Variants in STS observed in about 807,000 individuals in gnomAD.
STS encodes steryl-sulfatase.
A neutral mutation model predicts 26.8 loss-of-function variants in STS; 7 were observed. The observed-to-expected ratio is 0.26, with a 90% CI of 0.15 to 0.49. The LOEUF (loss-of-function observed/expected upper bound fraction) is 0.49, where lower values mean the gene tolerates loss of function less well. Among genes scored for constraint, STS ranks in the 20% least tolerant of loss-of-function variants. STS has a pLI of 0.98. For synonymous variants in STS, 199 were observed against 189.4 expected, an observed-to-expected ratio of 1.05 and a Z score of -0.42; for missense variants, 434 against 465.6, an observed-to-expected ratio of 0.93 and a Z score of 0.63.
chrX:7,238,787 G>A (rs1014977785), intron 2 of STS, among the ~76,000 whole-genome samples: 2 of 110,814 alleles, frequency 1.8e-5, no homozygotes, highest in African/African-American at 6.6e-5. Context: ...AGCTGTGATC[G>A]TACCACTGTG....
rs1398250618 is a variant in STS, at chrX:7,305,031, C to T, written c.944-15C>T. ...AATATGCATTATTTTTAAATGGAGT[C>T]TTTTTCCCCTCCAGGGCAGATCTTG... On this transcript the variant is annotated splice_polypyrimidine_tract_variant and intron_variant, in intron 7 of 10. Coordinates refer to ENST00000674429, the MANE Select transcript of STS (RefSeq NM_001320752.2). 8.3e-7 allele frequency: 1 copy of T among 1,208,665 alleles called. No individual in the cohort carries two copies. Among genetic ancestry groups the T allele is most frequent in the African/African-American group, 1.7e-5 (1 of 57,172 alleles).
intron 1 of STS, among the ~76,000 whole-genome samples, chrX:7,148,757 C>G (rs868657567): frequency 8.9e-6 from 1 of 112,454 alleles, no homozygotes; most frequent in Non-Finnish European, 1.9e-5. Context: ...ACCTCCGTGC[C>G]TGCATCTCTG....
chrX:7,173,404 C>A (rs766620228), intron 1 of STS, among the ~76,000 whole-genome samples: 3 of 111,610 alleles, frequency 2.7e-5, no homozygotes, highest in Admixed American at 9.5e-5. Flanking sequence ...TGAACATACA[C>A]GTGCATGTAT....
chrX:7,253,468 A>T, intron 3 of STS, 132 bp downstream of exon 3: 1 of 882,917 alleles, frequency 1.1e-6, no homozygotes, highest in Non-Finnish European at 1.6e-6. Context: ...GCCTGGCTTC[A>T]TGTAGATACA....
intron 7 of STS, among the ~76,000 whole-genome samples, chrX:7,276,662 A>G (rs1424268765): frequency 9.0e-6 from 1 of 111,713 alleles, no homozygotes; most frequent in Non-Finnish European, 1.9e-5. Context: ...TAGCAGTTAA[A>G]TGTGTGATGG....
intron 7 of STS, among the ~76,000 whole-genome samples, chrX:7,288,639 CGTGTGTGTGTGTGTGTGT>C (rs58375124): frequency 6.7e-5 from 6 of 89,558 alleles, no homozygotes; most frequent in South Asian, 6.1e-4. Flanking sequence ...AAATTCTGTA[CGTGTGTGTGTGTGTGTGT>C]GTGTGTGTGT....
intron 2 of STS, among the ~76,000 whole-genome samples, chrX:7,215,695 G>T (rs1482577682): frequency 1.8e-5 from 2 of 111,434 alleles, no homozygotes; most frequent in African/African-American, 6.5e-5. Context: ...AGGGAAAGGA[G>T]AACAAGGTTG....
chrX:7,303,518 G>C (rs1053391582), intron 7 of STS, among the ~76,000 whole-genome samples: 1 of 110,903 alleles, frequency 9.0e-6, no homozygotes, highest in Non-Finnish European at 1.9e-5. Flanking sequence ...AGGAGGGAGC[G>C]CCCAGGATTT....
At position 7,219,347 on chromosome X, in the gene STS, G is replaced by T; in HGVS notation, c.-5+28339G>T. 7.6e-6 allele frequency: 7 copies of T among 916,560 alleles called. No homozygotes were observed. In the South Asian group the frequency reaches 2.3e-4, roughly 31 times the overall value. 75.5% of individuals were successfully genotyped at this position (916,560 alleles called of 1,213,427 possible). On this transcript the variant is annotated intron_variant, in intron 2 of 10. Coordinates refer to ENST00000674429, the MANE Select transcript of STS (RefSeq NM_001320752.2). Reference sequence around the variant, plus strand: ...CTTTGACACAAATCATACCGAAGGGGAGAAGTTGCCCCTTCTGAAGAATCC... The same window carrying T: ...CTTTGACACAAATCATACCGAAGGGTAGAAGTTGCCCCTTCTGAAGAATCC...
chrX:7,339,121 G>A (rs960629453), intron 10 of STS, among the ~76,000 whole-genome samples: 2 of 111,719 alleles, frequency 1.8e-5, no homozygotes, highest in East Asian at 2.8e-4. Context: ...CCTAATAAAA[G>A]AGAAGAAATT....
At chrX:7,165,281 A>G (rs1364870202) in intron 1 of STS, among the ~76,000 whole-genome samples, 1 of 109,284 alleles carries the variant, frequency 9.2e-6, no homozygotes, top group African/African-American at 3.3e-5. Context: ...AAATGACTCC[A>G]GACATTGTCC....
intron 10 of STS, among the ~76,000 whole-genome samples, chrX:7,336,249 C>A (rs1201502987): frequency 1.0e-5 from 1 of 98,588 alleles, no homozygotes; most frequent in Non-Finnish European, 2.1e-5. Flanking sequence ...GCCCCCCCCA[C>A]CCGCCCCAAA....
At chrX:7,241,373 G>C (rs1479108913) in intron 2 of STS, among the ~76,000 whole-genome samples, 1 of 111,579 alleles carries the variant, frequency 9.0e-6, no homozygotes, top group Non-Finnish European at 1.9e-5. Flanking sequence ...CTCATATAGA[G>C]CCTGAATTTT....
rs780855494 is a variant in STS at position 7,296,994 on chromosome X, G to A, written c.944-8052G>A. Among the ~76,000 whole-genome samples the A allele has an allele frequency of 9.7e-4, 109 of 112,153 alleles. 1 individual carries two copies. Among genetic ancestry groups the A allele is most frequent in the Non-Finnish European group, 1.9e-3 (99 of 53,194 alleles). ...AAGACAGGGTTATCTGTAGAATGGC[G>A]ACATTGCACTCTTACAGTTTTCCAT... On this transcript the variant is annotated intron_variant, in intron 7 of 10. Transcript: ENST00000674429.
rs1178578773 is a variant in STS at position 7,349,316 on chromosome X, C to CTTTT, written c.1364-538_1364-535dup. Among the ~76,000 whole-genome samples, 18 of 52,883 alleles carry CTTTT rather than the reference C, an allele frequency of 3.4e-4. 3 individuals carry two copies. Among genetic ancestry groups the CTTTT allele is most frequent in the African/African-American group, 5.9e-4 (8 of 13,631 alleles). The allele number at this position is 52,883 out of a possible 115,157, so 45.9% of individuals were successfully genotyped here. A position where few individuals can be genotyped will look rare whatever the true frequency, so the allele number is the denominator to read the frequency against. ...GCTGCACTCGGCCCTCATTTAATTCCTTTTTTTTTTTTTTTTTTTTTTTTT... is the reference window on the plus strand; with the variant it reads ...GCTGCACTCGGCCCTCATTTAATTCCTTTTTTTTTTTTTTTTTTTTTTTTTTTTT... On this transcript the variant is annotated intron_variant, in intron 10 of 10. Coordinates refer to ENST00000674429, the MANE Select transcript of STS (RefSeq NM_001320752.2).
chrX:7,185,097 ATCT>A (rs1248348579), intron 1 of STS, among the ~76,000 whole-genome samples: 1 of 112,208 alleles, frequency 8.9e-6, no homozygotes, highest in Non-Finnish European at 1.9e-5. Flanking sequence ...ATCAGGGAAC[ATCT>A]TCTCCAAGGA....
chrX:7,215,065 A>G (rs1601658812), intron 2 of STS, among the ~76,000 whole-genome samples: 1 of 93,116 alleles, frequency 1.1e-5, no homozygotes, highest in African/African-American at 3.9e-5. Flanking sequence ...ATATATGTAT[A>G]TATACACGTA....
chrX:7,311,696 A>G (rs1926484334), intron 8 of STS, among the ~76,000 whole-genome samples: 1 of 111,448 alleles, frequency 9.0e-6, no homozygotes, highest in South Asian at 3.8e-4. Context: ...AAAAACATGT[A>G]AAAATTAGCT....
At chrX:7,188,126 A>G (rs1373226373) in intron 1 of STS, among the ~76,000 whole-genome samples, 1 of 112,167 alleles carries the variant, frequency 8.9e-6, no homozygotes, top group Non-Finnish European at 1.9e-5. Flanking sequence ...TGTGATAGTA[A>G]CAGAGGAATC....
Sources: allele counts gnomAD v4.1 joint callset (sites outside exome capture counted in the v4.1 genomes callset), GRCh38; gene constraint gnomAD v4.1.1; transcripts MANE v1.5; gene names NCBI Gene and HGNC (gene_info 2026-07-23, HGNC 2026-07-21).